Variants in DRC8 observed in about 807,000 individuals in gnomAD.
The protein encoded by DRC8 is dynein regulatory complex subunit 8, also known as dynein regulatory complex protein 8.
chr1:245,114,755 G>A, the DRC8 span, among the ~76,000 whole-genome samples: 1 of 152,210 alleles, frequency 6.6e-6, no homozygotes, highest in African/African-American at 2.4e-5. Context: ...TTGAGACAGA[G>A]TCTTGCTCTG....
At chr1:245,092,872 G>C in the DRC8 span, among the ~76,000 whole-genome samples, 2 of 152,162 alleles carry the variant, frequency 1.3e-5, no homozygotes, top group Non-Finnish European at 1.5e-5. Context: ...CTGGGTGACA[G>C]AGAGAGACCT....
At chr1:245,119,344 G>GGT in the DRC8 span, among the ~76,000 whole-genome samples, 13 of 147,832 alleles carry the variant, frequency 8.8e-5, no homozygotes, top group South Asian at 4.3e-4. Context: ...AAATTGGAGA[G>GGT]TTTTTTTTTT....
chr1:245,029,611 T>C, the DRC8 span, among the ~76,000 whole-genome samples: 1 of 151,010 alleles, frequency 6.6e-6, no homozygotes, highest in Non-Finnish European at 1.5e-5. Context: ...GTTTTTTTTT[T>C]TGGAAAAGGA....
the DRC8 span, among the ~76,000 whole-genome samples, chr1:245,051,465 T>A: frequency 6.6e-6 from 1 of 151,596 alleles, no homozygotes; most frequent in African/African-American, 2.4e-5. Flanking sequence ...TAGGGGACAG[T>A]AAGGAGGTTA....
At chr1:245,098,352 C>T in the DRC8 span, among the ~76,000 whole-genome samples, 6 of 151,982 alleles carry the variant, frequency 3.9e-5, no homozygotes, top group African/African-American at 7.2e-5. Flanking sequence ...TGTTTAAAAC[C>T]GTGGGGCTGG....
chr1:245,083,792 G>C, the DRC8 span: 1 of 1,458,080 alleles, frequency 6.9e-7, no homozygotes, highest in Non-Finnish European at 9.1e-7. Context: ...CAGTCATTCT[G>C]GTGAAAGTTA....
At chr1:245,062,074 C>A in the DRC8 span, among the ~76,000 whole-genome samples, 2 of 152,166 alleles carry the variant, frequency 1.3e-5, no homozygotes, top group Non-Finnish European at 2.9e-5. Flanking sequence ...CCACTACACT[C>A]CAGCCTGCGT....
chr1:245,087,509 G>GT, the DRC8 span: 1 of 1,366,008 alleles, frequency 7.3e-7, no homozygotes, highest in African/African-American at 1.5e-5. Flanking sequence ...AAAGATGATC[G>GT]TAACACTTTA....
chr1:244,998,215 C>CT, the DRC8 span, among the ~76,000 whole-genome samples: 1 of 151,818 alleles, frequency 6.6e-6, no homozygotes, highest in Admixed American at 6.6e-5. Flanking sequence ...TTTTATTTTT[C>CT]TTTTTTCTTT....
the DRC8 span, among the ~76,000 whole-genome samples, chr1:245,080,245 A>G: frequency 6.6e-6 from 1 of 152,178 alleles, no homozygotes. Context: ...TGGAAAATGT[A>G]CAGCTCCTTA....
the DRC8 span, among the ~76,000 whole-genome samples, chr1:245,112,732 A>G: frequency 1.3e-5 from 2 of 149,460 alleles, no homozygotes; most frequent in Non-Finnish European, 3.0e-5. Flanking sequence ...TCAAACAGTA[A>G]CTCCCGTTCT....
chr1:245,054,702 G>A, the DRC8 span, among the ~76,000 whole-genome samples: 2 of 152,064 alleles, frequency 1.3e-5, no homozygotes, highest in African/African-American at 2.4e-5. Flanking sequence ...TACATTCTAC[G>A]TAGAGGAGCT....
chr1:244,977,399 T>C, the DRC8 span, among the ~76,000 whole-genome samples: 4 of 152,208 alleles, frequency 2.6e-5, no homozygotes, highest in Admixed American at 1.3e-4. Context: ...GAATAAATGA[T>C]GATGGCTAGG....
At chr1:245,009,934 C>T in the DRC8 span, among the ~76,000 whole-genome samples, 2 of 152,074 alleles carry the variant, frequency 1.3e-5, no homozygotes, top group African/African-American at 2.4e-5. Context: ...GGCTCAGGCT[C>T]GCTGCAACCT....
the DRC8 span, among the ~76,000 whole-genome samples, chr1:245,032,517 A>C: frequency 6.6e-6 from 1 of 152,202 alleles, no homozygotes; most frequent in African/African-American, 2.4e-5. Context: ...GAGCTCATTT[A>C]TGCCATATTT....
the DRC8 span, among the ~76,000 whole-genome samples, chr1:245,006,403 C>T: frequency 6.6e-6 from 1 of 152,128 alleles, no homozygotes; most frequent in South Asian, 2.1e-4. Context: ...CCTCCACCTC[C>T]CATGTTCAAG....
the DRC8 span, among the ~76,000 whole-genome samples, chr1:245,015,101 T>C: frequency 8.5e-5 from 13 of 152,362 alleles, no homozygotes; most frequent in South Asian, 2.7e-3. Flanking sequence ...CTGTATTTAC[T>C]GTTTGATACA....
the DRC8 span, among the ~76,000 whole-genome samples, chr1:244,979,175 A>G: frequency 6.6e-6 from 1 of 151,944 alleles, no homozygotes; most frequent in Non-Finnish European, 1.5e-5. Context: ...CTAGACTCTT[A>G]ACTTCCAAAA....
At chr1:245,089,717 TTCGGCA>T in the DRC8 span, among the ~76,000 whole-genome samples, 1 of 152,066 alleles carries the variant, frequency 6.6e-6, no homozygotes, top group Non-Finnish European at 1.5e-5. The surrounding 1 kb of genome is among the most constrained non-coding windows in gnomAD (Gnocchi z 4.8). Flanking sequence ...GGACAAGTTA[TTCGGCA>T]GTGAAGAGGA....
Sources: allele counts gnomAD v4.1 joint callset (sites outside exome capture counted in the v4.1 genomes callset), GRCh38; gene constraint gnomAD v4.1.1; non-coding constraint Gnocchi (gnomAD v3.1); transcripts MANE v1.5; gene names NCBI Gene and HGNC (gene_info 2026-07-23, HGNC 2026-07-21).